NRG1: variants seen among roughly 807,000 people sequenced by gnomAD.
NRG1 encodes pro-neuregulin-1, membrane-bound isoform.
NRG1 carries 18 observed loss-of-function variants against 63.8 expected under a neutral mutation model. The observed-to-expected ratio is 0.28, with a 90% confidence interval of 0.19 to 0.42. The LOEUF is 0.42. Ranked by LOEUF, NRG1 falls within the 10% of genes least tolerant of loss-of-function variation. The pLI is 1.00. For missense variants in NRG1, 762 were observed against 814.7 expected (o/e 0.94, Z 0.79); for synonymous variants, 302 against 301.3 (o/e 1.00, Z -0.02).
intron 7 of NRG1, chr8:32,749,523 C>T: frequency 6.2e-7 from 1 of 1,612,134 alleles, no homozygotes; most frequent in Non-Finnish European, 8.5e-7. Flanking sequence ...AACTTTTTCC[C>T]TTTCTTTCTT....
At chr8:32,536,357 T>C (rs1456871551) in intron 1 of NRG1, among the ~76,000 whole-genome samples, 1 of 152,164 alleles carries the variant, frequency 6.6e-6, no homozygotes, top group Non-Finnish European at 1.5e-5. Flanking sequence ...GTCTTAGATG[T>C]GTGGCCCTCT....
rs143225008 is a variant in NRG1 at position 31,988,929 on chromosome 8, C to T, written c.37+349498C>T. 2.6e-3 allele frequency among the ~76,000 whole-genome samples: 395 copies of T among 151,964 alleles called. 1 individual carries two copies. Among genetic ancestry groups the T allele is most frequent in the African/African-American group, 8.1e-3 (336 of 41,480 alleles). Reference sequence around the variant, plus strand: ...ATAACTTGACCCCTCTTTTTGTTGACGATGACTTTCTGTTGCTTACAATAA... The same window carrying T: ...ATAACTTGACCCCTCTTTTTGTTGATGATGACTTTCTGTTGCTTACAATAA... On this transcript the variant is annotated intron_variant, in intron 1 of 10. Coordinates refer to the NRG1 transcript ENST00000519301.
intron 1 of NRG1, among the ~76,000 whole-genome samples, chr8:32,523,741 T>C (rs112612087): frequency 0.05 from 7,667 of 152,010 alleles, 428 homozygotes; most frequent in African/African-American, 0.14. Context: ...TCCCAGCTAC[T>C]TGAGAGGCTG....
chr8:32,144,467 C>G (rs1438831753), intron 1 of NRG1, among the ~76,000 whole-genome samples: 1 of 152,022 alleles, frequency 6.6e-6, no homozygotes, highest in Non-Finnish European at 1.5e-5. Flanking sequence ...GTTTCATCGT[C>G]TAGAATGTGG....
rs370584985 is a variant in NRG1, at chr8:31,917,384, A to C, written c.37+277953A>C. 6.0e-5 allele frequency among the ~76,000 whole-genome samples: 9 copies of C among 150,716 alleles called. No homozygotes were observed. The South Asian group carries it at 1.7e-3, about 28-fold the overall frequency. Reference sequence around the variant, plus strand: ...ATCCATCTTGAATTGATTTTTGTATAAGGTGTAAGGAAGGGATCCAGTTTC... The same window carrying C: ...ATCCATCTTGAATTGATTTTTGTATCAGGTGTAAGGAAGGGATCCAGTTTC... On this transcript the variant is annotated intron_variant, in intron 1 of 10. Transcript: ENST00000519301.
chr8:32,122,958 G>A (rs1195313457), intron 1 of NRG1, among the ~76,000 whole-genome samples: 1 of 151,850 alleles, frequency 6.6e-6, no homozygotes, highest in Non-Finnish European at 1.5e-5. Context: ...ATAAGGAAAT[G>A]TGGCACATAT....
intron 8 of NRG1, among the ~76,000 whole-genome samples, chr8:32,754,747 G>T (rs1221441812): frequency 1.3e-5 from 2 of 152,142 alleles, no homozygotes; most frequent in Admixed American, 6.6e-5. Flanking sequence ...TGTATGGAAG[G>T]TATGTGTGTG....
chr8:32,472,887 A>G (rs1824028415), intron 1 of NRG1, among the ~76,000 whole-genome samples: 1 of 152,236 alleles, frequency 6.6e-6, no homozygotes, highest in Non-Finnish European at 1.5e-5. Flanking sequence ...TATTTATGTA[A>G]TAAACCTCCC....
chr8:32,028,872 C>T (rs1447882248), intron 1 of NRG1, among the ~76,000 whole-genome samples: 1 of 150,596 alleles, frequency 6.6e-6, no homozygotes, highest in Non-Finnish European at 1.5e-5. Context: ...CACTAACCTT[C>T]CTATTCATAG....
At chr8:32,117,911 C>T (rs1832945926) in intron 1 of NRG1, among the ~76,000 whole-genome samples, 1 of 151,988 alleles carries the variant, frequency 6.6e-6, no homozygotes, top group Non-Finnish European at 1.5e-5. Context: ...ATTCTTTTTC[C>T]TTGGGATCAA....
intron 1 of NRG1, among the ~76,000 whole-genome samples, chr8:32,060,644 T>C (rs561196403): frequency 2.6e-5 from 4 of 152,104 alleles, no homozygotes; most frequent in African/African-American, 9.6e-5. Flanking sequence ...CAAACGGAGA[T>C]ATTTGGCTGC....
chr8:32,261,847 T>G (rs2129471639), intron 1 of NRG1, among the ~76,000 whole-genome samples: 1 of 152,302 alleles, frequency 6.6e-6, no homozygotes, highest in South Asian at 2.1e-4. Flanking sequence ...TTAATAGTGT[T>G]CCCTTGCAGA....
chr8:31,710,991 T>C (rs1411941528), intron 1 of NRG1, among the ~76,000 whole-genome samples: 1 of 152,208 alleles, frequency 6.6e-6, no homozygotes, highest in Non-Finnish European at 1.5e-5. Context: ...TTGGCTATCT[T>C]TATAATTTAG....
At chr8:31,720,496 G>C (rs1056915757) in intron 1 of NRG1, among the ~76,000 whole-genome samples, 4 of 152,086 alleles carry the variant, frequency 2.6e-5, no homozygotes, top group African/African-American at 9.7e-5. Context: ...AACAGTGTGT[G>C]TTGTTTTGAC....
intron 1 of NRG1, among the ~76,000 whole-genome samples, chr8:32,410,922 C>G (rs1258829187): frequency 1.3e-5 from 2 of 149,976 alleles, no homozygotes; most frequent in Non-Finnish European, 2.9e-5. Context: ...TGTTGCCAGG[C>G]TGGAGTGCAG....
At chr8:31,957,840 T>TAG (rs1178354551) in intron 1 of NRG1, among the ~76,000 whole-genome samples, 6 of 152,116 alleles carry the variant, frequency 3.9e-5, no homozygotes, top group African/African-American at 9.7e-5. Flanking sequence ...TATTAAGTTG[T>TAG]AGAGAGAGAG....
intron 1 of NRG1, among the ~76,000 whole-genome samples, chr8:31,772,527 T>G (rs1023000610): frequency 8.5e-5 from 13 of 152,184 alleles, no homozygotes; most frequent in African/African-American, 3.1e-4. Flanking sequence ...TAGCAACTTT[T>G]TTTTTAAATA....
intron 5 of NRG1, chr8:32,648,304 G>A (rs550578958): frequency 9.9e-6 from 16 of 1,613,842 alleles, no homozygotes; most frequent in Middle Eastern, 1.6e-4. Context: ...TCACCCACCC[G>A]GAACCCTGAG....
chr8:32,380,904 A>G (rs923197484), intron 1 of NRG1, among the ~76,000 whole-genome samples: 1 of 152,198 alleles, frequency 6.6e-6, no homozygotes, highest in Non-Finnish European at 1.5e-5. Flanking sequence ...TTGTCTTTTT[A>G]TAAGCTAGAA....
Sources: gnomAD v4.1 joint callset for allele counts (sites outside exome capture counted in the v4.1 genomes callset) on GRCh38, gnomAD v4.1.1 for gene constraint, MANE v1.5 for transcripts, NCBI Gene and HGNC (gene_info 2026-07-23, HGNC 2026-07-21) for gene names.